Variants in PRKCI observed in about 807,000 individuals in gnomAD.
The protein encoded by PRKCI is protein kinase C iota, also known as protein kinase C iota type.
In PRKCI, 43 loss-of-function variants were observed where a neutral mutation model predicts 84.0. That is an observed-to-expected ratio of 0.51 (90% CI 0.40 to 0.66). The LOEUF (loss-of-function observed/expected upper bound fraction) is 0.66. PRKCI is among the 30% of genes least tolerant of loss of function. The pLI is 0.00. For synonymous variants in PRKCI, 216 were observed against 234.4 expected, an observed-to-expected ratio of 0.92 and a Z score of 0.72; for missense variants, 459 against 745.6, an observed-to-expected ratio of 0.62 and a Z score of 4.48.
At chr3:170,233,969 C>T (rs1390842631) in intron 1 of PRKCI, among the ~76,000 whole-genome samples, 2 of 151,712 alleles carry the variant, frequency 1.3e-5, no homozygotes, top group African/African-American at 4.8e-5. Context: ...GATCCGCCCA[C>T]CTCAGCCTCC....
At chr3:170,223,341 G>A (rs1262891931) in intron 1 of PRKCI, among the ~76,000 whole-genome samples, 1 of 152,196 alleles carries the variant, frequency 6.6e-6, no homozygotes, top group Non-Finnish European at 1.5e-5. Flanking sequence ...CGTTTTCAGG[G>A]ACGTGCAGTG....
chr3:170,295,944 CTCTG>C lies in PRKCI; in HGVS notation c.1457_1460del (p.Ser486Ter), dbSNP rs764560592. On this transcript the variant is annotated frameshift_variant, in exon 15 of 18. Coordinates refer to ENST00000295797, the MANE Select transcript of PRKCI (RefSeq NM_002740.6). LOFTEE classifies it high-confidence loss of function. ...GAAAAACAAATTCGCATACCACGTT[CTCTG>C]TCTGTAAAAGCTGCAAGTGTTCTGA... is the stretch of plus-strand genomic sequence containing the variant. 18 of 1,574,274 alleles carry C rather than the reference CTCTG, an allele frequency of 1.1e-5. No homozygotes were observed. The highest frequency in any genetic ancestry group is 1.4e-5 in the Non-Finnish European group (16 of 1,155,794).
At position 170,222,645 on chromosome 3, in the gene PRKCI, A is replaced by G; in HGVS notation, c.-25A>G. ...GCGCCCCCCCGCACCCCCGGCCTCC[A>G]GCGTTGAGGCGGGGGAGTGAGGAGA... On this transcript the variant is annotated 5_prime_UTR_variant, in exon 1 of 18. Coordinates refer to ENST00000295797, the MANE Select transcript of PRKCI (RefSeq NM_002740.6). 2 of 1,544,320 alleles carry G rather than the reference A, an allele frequency of 1.3e-6. No individual in the cohort carries two copies. The highest frequency in any genetic ancestry group is 1.7e-6 in the Non-Finnish European group (2 of 1,145,328).
intron 2 of PRKCI, among the ~76,000 whole-genome samples, chr3:170,257,677 T>C (rs1733617352): frequency 1.3e-5 from 2 of 151,540 alleles, no homozygotes; most frequent in Admixed American, 1.3e-4. Flanking sequence ...TTTTTTTTTT[T>C]TTTTGAGACA....
At chr3:170,266,197 TCTAA>T (rs1201474791) in intron 4 of PRKCI, among the ~76,000 whole-genome samples, 1 of 152,184 alleles carries the variant, frequency 6.6e-6, no homozygotes, top group Non-Finnish European at 1.5e-5. Flanking sequence ...AACCTCTTTC[TCTAA>T]CTATATTTGA....
At position 170,303,060 on chromosome 3, in the gene PRKCI, A is replaced by T; in HGVS notation, c.1724A>T (p.Asp575Val). Residue 575 changes from aspartate to valine, a missense_variant, in exon 18 of 18, where the codon GAT (aspartate) becomes GTT (valine). Transcript: ENST00000295797. ...PDDDDIVRKI[D>V]QSEFEGFEYI... ...AACAGTGACATTGTGAGGAAGATTGATCAGTCTGAATTTGAAGGTTTTGAG... is the reference window on the plus strand; with the variant it reads ...AACAGTGACATTGTGAGGAAGATTGTTCAGTCTGAATTTGAAGGTTTTGAG... 1 of 1,602,196 alleles carries T rather than the reference A, an allele frequency of 6.2e-7. No individual in the cohort carries two copies. The highest frequency in any genetic ancestry group is 8.5e-7 in the Non-Finnish European group (1 of 1,174,882).
intron 14 of PRKCI, among the ~76,000 whole-genome samples, chr3:170,295,215 AAAAAAG>A (rs980550243): frequency 4.1e-4 from 62 of 151,312 alleles, no homozygotes; most frequent in Admixed American, 2.0e-4. Flanking sequence ...TGTCTCAAAA[AAAAAAG>A]AAAAAAGAAA....
intron 7 of PRKCI, among the ~76,000 whole-genome samples, chr3:170,274,092 C>T (rs1734058931): frequency 6.6e-6 from 1 of 151,952 alleles, no homozygotes; most frequent in Admixed American, 6.6e-5. Context: ...AAACATGAGG[C>T]TGATTTTGTG....
At chr3:170,299,668 G>C (rs1734775386) in intron 17 of PRKCI, among the ~76,000 whole-genome samples, 1 of 152,184 alleles carries the variant, frequency 6.6e-6, no homozygotes, top group African/African-American at 2.4e-5. Flanking sequence ...TCTAGTTACT[G>C]TCATCTTCGT....
At chr3:170,237,891 T>C (rs1025429174) in intron 2 of PRKCI, among the ~76,000 whole-genome samples, 6 of 152,340 alleles carry the variant, frequency 3.9e-5, no homozygotes, top group Middle Eastern at 3.4e-3. Context: ...TAGCTTAGTA[T>C]GTATCCTTCT....
intron 11 of PRKCI, among the ~76,000 whole-genome samples, chr3:170,283,993 A>T (rs1055024090): frequency 3.4e-4 from 51 of 152,040 alleles, no homozygotes; most frequent in African/African-American, 1.2e-3. Flanking sequence ...TAAAACCTTC[A>T]TGAGGATTTT....
chr3:170,275,832 T>C (rs1346054780), intron 8 of PRKCI, among the ~76,000 whole-genome samples: 1 of 152,190 alleles, frequency 6.6e-6, no homozygotes, highest in East Asian at 1.9e-4. Context: ...TTTCTAGTTA[T>C]GTCCATAATA....
chr3:170,273,852 C>T (rs1734053806), intron 7 of PRKCI, among the ~76,000 whole-genome samples: 1 of 151,418 alleles, frequency 6.6e-6, no homozygotes, highest in Non-Finnish European at 1.5e-5. Flanking sequence ...CAACTGTGGG[C>T]TGGGTGTGGT....
At chr3:170,243,966 G>A (rs1733206238) in intron 2 of PRKCI, among the ~76,000 whole-genome samples, 1 of 152,214 alleles carries the variant, frequency 6.6e-6, no homozygotes, top group Non-Finnish European at 1.5e-5. Flanking sequence ...CAGTGGTGGA[G>A]TGGGGATGGA....
chr3:170,297,491 G>A, intron 16 of PRKCI, 98 bp downstream of exon 16: 1 of 997,606 alleles, frequency 1.0e-6, no homozygotes, highest in Non-Finnish European at 1.5e-6. Context: ...GTCTTGCTCT[G>A]TCACCGAGGC....
intron 2 of PRKCI, among the ~76,000 whole-genome samples, chr3:170,237,892 G>A (rs2108838369): frequency 6.6e-6 from 1 of 152,160 alleles, no homozygotes. Context: ...AGCTTAGTAT[G>A]TATCCTTCTA....
intron 4 of PRKCI, among the ~76,000 whole-genome samples, chr3:170,266,641 T>C (rs1733861825): frequency 1.3e-5 from 2 of 151,962 alleles, no homozygotes; most frequent in Admixed American, 6.6e-5. Context: ...AAAAAAAGCA[T>C]GATCAAATGC....
In PRKCI at chr3:170,297,374, G is replaced by A. The variant is rs368665283; in HGVS notation, c.1568G>A (p.Arg523Gln). The A allele has an allele frequency of 3.7e-6, 6 of 1,612,446 alleles. No individual in the cohort carries two copies. The highest frequency in any genetic ancestry group is 4.5e-5 in the East Asian group (2 of 44,864). ...GATATTCAGGGACACCCGTTCTTCC[G>A]AAATGTTGATTGGGATATGGTATGT... Reference protein sequence around the residue: ...FADIQGHPFFRNVDWDMMEQK... With the variant: ...FADIQGHPFFQNVDWDMMEQK... Residue 523 changes from arginine (R) to glutamine (Q), a missense_variant, in exon 16 of 18, where the codon CGA (arginine) becomes CAA (glutamine). Arg to Gln is a conservative substitution (Grantham distance 43, BLOSUM62 1). Coordinates refer to ENST00000295797, the MANE Select transcript of PRKCI (RefSeq NM_002740.6).
At chr3:170,250,195 C>T (rs1430048830) in intron 2 of PRKCI, among the ~76,000 whole-genome samples, 2 of 151,436 alleles carry the variant, frequency 1.3e-5, no homozygotes, top group African/African-American at 2.4e-5. Flanking sequence ...ATCACTTGAA[C>T]CTGGGAGCTG....
Sources: allele counts gnomAD v4.1 joint callset (sites outside exome capture counted in the v4.1 genomes callset), GRCh38; gene constraint gnomAD v4.1.1; transcripts MANE v1.5; gene names NCBI Gene and HGNC (gene_info 2026-07-23, HGNC 2026-07-21).